Variants in TNS1 observed in about 807,000 individuals in gnomAD.
TNS1 encodes tensin 1, also known as tensin-1.
TNS1 carries 62 observed loss-of-function variants against 168.6 expected under a neutral mutation model. That is an observed-to-expected ratio of 0.37 (90% confidence interval 0.30 to 0.45). The LOEUF (loss-of-function observed/expected upper bound fraction) is 0.45. TNS1 is among the 20% of genes least tolerant of loss of function. TNS1 has a pLI of 1.00. For synonymous variants in TNS1, 934 were observed against 933.2 expected (o/e 1.00, Z -0.02); for missense variants, 2,240 against 2,339.4 (o/e 0.96, Z 0.88).
intron 18 of TNS1, among the ~76,000 whole-genome samples, chr2:217,857,262 C>T (rs1277458387): frequency 6.6e-6 from 1 of 152,116 alleles, no homozygotes; most frequent in Non-Finnish European, 1.5e-5. Flanking sequence ...AGCTGAAGGG[C>T]CTTAGGGGAG....
At chr2:217,821,413 A>G (rs552842621) in intron 23 of TNS1, among the ~76,000 whole-genome samples, 4 of 152,336 alleles carry the variant, frequency 2.6e-5, no homozygotes, top group Non-Finnish European at 4.4e-5. Flanking sequence ...AGCCCACTAC[A>G]TAAGTCATTA....
At chr2:217,870,825 G>A (rs945304793) in intron 18 of TNS1, among the ~76,000 whole-genome samples, 57 of 152,204 alleles carry the variant, frequency 3.7e-4, no homozygotes, top group Admixed American at 1.1e-3. Flanking sequence ...CTAAGGGTCC[G>A]AGGGCATTGA....
At chr2:217,806,763 T>A (rs1939190997) in intron 32 of TNS1, among the ~76,000 whole-genome samples, 1 of 152,182 alleles carries the variant, frequency 6.6e-6, no homozygotes, top group Non-Finnish European at 1.5e-5. Context: ...ACTGAGGCAT[T>A]CTCACTAGCC....
Position 217,848,609 on chromosome 2 carries a change from G to A in TNS1, c.1908C>T (p.His636=), listed in dbSNP as rs780605659. The A allele has an allele frequency of 1.9e-6, 3 of 1,614,186 alleles. No homozygotes were observed. The highest frequency in any genetic ancestry group is 1.7e-6 in the Non-Finnish European group (2 of 1,180,014). ...AGAGTGTGCCCATGCTGCCCGCACT[G>A]TGACCATCCTGGTTTGGCAATTCAT... ...LDDELPNQDG[H]SAGSMGTLSS... Residue 636 remains histidine, a synonymous_variant, in exon 19 of 33, where the codon CAC becomes CAT. Coordinates refer to ENST00000682258, the MANE Select transcript of TNS1 (RefSeq NM_001387777.1).
At chr2:217,850,843 A>C (rs900742110) in intron 18 of TNS1, among the ~76,000 whole-genome samples, 3 of 152,178 alleles carry the variant, frequency 2.0e-5, no homozygotes, top group Non-Finnish European at 2.9e-5. Context: ...CACCGGCATG[A>C]ACATGTACAC....
intron 32 of TNS1, among the ~76,000 whole-genome samples, 183 bp downstream of exon 32, chr2:217,807,892 C>T (rs538187276): frequency 1.3e-5 from 2 of 152,214 alleles, no homozygotes; most frequent in Non-Finnish European, 2.9e-5. Flanking sequence ...GGCCTCGAGG[C>T]AGGACAAGGC....
At chr2:217,805,247 A>G (rs1356243070) in intron 32 of TNS1, among the ~76,000 whole-genome samples, 3 of 151,846 alleles carry the variant, frequency 2.0e-5, no homozygotes, top group African/African-American at 7.3e-5. Context: ...AGGGCAGAGA[A>G]CAGAATGTGA....
chr2:217,920,790 C>T (rs1955630167), intron 3 of TNS1, among the ~76,000 whole-genome samples: 1 of 152,050 alleles, frequency 6.6e-6, no homozygotes, highest in Non-Finnish European at 1.5e-5. Flanking sequence ...TAAAAGGGAC[C>T]CACCAGCCCT....
chr2:217,934,457 G>A (rs527773912), intron 3 of TNS1, among the ~76,000 whole-genome samples: 1 of 152,268 alleles, frequency 6.6e-6, no homozygotes, highest in African/African-American at 2.4e-5. Context: ...CCTACCCAGT[G>A]GAGACACTGA....
At chr2:217,858,310 A>T (rs1016742435) in intron 18 of TNS1, among the ~76,000 whole-genome samples, 1 of 151,986 alleles carries the variant, frequency 6.6e-6, no homozygotes, top group Non-Finnish European at 1.5e-5. Context: ...TCACATCCAC[A>T]TCAGACAGCA....
intron 3 of TNS1, among the ~76,000 whole-genome samples, chr2:217,968,380 GTAGA>G (rs1390836471): frequency 4.6e-5 from 7 of 152,260 alleles, no homozygotes; most frequent in Admixed American, 4.6e-4. Flanking sequence ...CATCTTGTAT[GTAGA>G]AAATCCTAAG....
At chr2:217,957,248 G>A (rs998712614) in intron 3 of TNS1, among the ~76,000 whole-genome samples, 3 of 152,134 alleles carry the variant, frequency 2.0e-5, no homozygotes, top group Non-Finnish European at 2.9e-5. Context: ...TCAGGGACAT[G>A]GTATTTATGA....
chr2:217,951,077 T>C (rs1957229560), intron 3 of TNS1, among the ~76,000 whole-genome samples: 2 of 152,268 alleles, frequency 1.3e-5, no homozygotes, highest in East Asian at 3.9e-4. Flanking sequence ...CACTTTGAAA[T>C]GGGGAGCTAT....
chr2:217,973,367 GAAAAAAAAAAA>G (rs58463140), intron 3 of TNS1, among the ~76,000 whole-genome samples: 1 of 93,584 alleles, frequency 1.1e-5, no homozygotes, highest in African/African-American at 4.1e-5. Context: ...TCCTGTCTCT[GAAAAAAAAAAA>G]AAAAAAAAAA....
intron 19 of TNS1, chr2:217,841,292 A>C (rs1574748884): frequency 1.0e-6 from 1 of 982,112 alleles, no homozygotes; most frequent in African/African-American, 1.8e-5. Context: ...TACGCTGCCC[A>C]CCCCCCACCC....
Position 217,812,442 on chromosome 2 carries a change from G to A in TNS1, c.4958C>T (p.Ser1653Leu). The change falls in exon 28 of 33, where the codon TCG becomes TTG. Residue 1653 changes from serine to leucine, a missense_variant. By Grantham distance (145) the Ser-to-Leu change is moderately radical (BLOSUM62 -2). This residue lies in a region of TNS1 where 2,131 missense variants were observed against 2,171.2 expected (regional missense o/e 0.98). Transcript: ENST00000682258. Reference sequence around the variant, plus strand: ...GTGCTGGTAGACCAGGGCAGACAGCGATCCTGTAGGGAGGCAGACGGCATG... The same window carrying A: ...GTGCTGGTAGACCAGGGCAGACAGCAATCCTGTAGGGAGGCAGACGGCATG... ...KGCPNEPNFG[S>L]LSALVYQHSI... The A allele has an allele frequency of 3.1e-6, 5 of 1,614,020 alleles. No individual in the cohort carries two copies. The highest frequency in any genetic ancestry group is 1.1e-5 in the South Asian group (1 of 91,050).
At chr2:217,930,426 T>C (rs1451574850) in intron 3 of TNS1, among the ~76,000 whole-genome samples, 2 of 151,864 alleles carry the variant, frequency 1.3e-5, no homozygotes, top group Non-Finnish European at 2.9e-5. Flanking sequence ...AAGAGACCAG[T>C]TGGCTGTGCC....
intron 32 of TNS1, among the ~76,000 whole-genome samples, chr2:217,805,507 C>CCACACACCA (rs1938513399): frequency 6.5e-5 from 2 of 30,714 alleles, no homozygotes; most frequent in African/African-American, 1.6e-4. Flanking sequence ...ACACACACCA[C>CCACACACCA]CACACACACC....
intron 8 of TNS1, 87 bp downstream of exon 8, chr2:217,897,711 G>C (rs764973300): frequency 1.4e-5 from 20 of 1,379,904 alleles, no homozygotes; most frequent in Non-Finnish European, 1.9e-5. Flanking sequence ...CACAGGGGCT[G>C]GTGGCAGGGA....
Sources: gnomAD v4.1 joint callset for allele counts (sites outside exome capture counted in the v4.1 genomes callset) on GRCh38, gnomAD v4.1.1 for gene constraint, gnomAD v4.1.1 regional missense constraint, MANE v1.5 for transcripts, NCBI Gene and HGNC (gene_info 2026-07-23, HGNC 2026-07-21) for gene names.